The following TBC1D5 variants were observed in gnomAD, a reference collection of about 807,000 sequenced individuals.
The protein encoded by TBC1D5 is TBC1 domain family member 5, also known as TBC1 domain family, member 5.
Under a neutral mutation model 100.3 loss-of-function variants are expected in TBC1D5, and 75 were observed. That is an observed-to-expected ratio of 0.75 (90% CI 0.62 to 0.91). The LOEUF (loss-of-function observed/expected upper bound fraction) is 0.91. Ranked by LOEUF, TBC1D5 falls within the 40% of genes least tolerant of loss-of-function variation. The probability of loss-of-function intolerance (pLI) is 0.00; values close to 1 mark genes in which losing one functional copy is unlikely to be tolerated. For synonymous variants in TBC1D5, 323 were observed against 325.6 expected (o/e 0.99, Z 0.09); for missense variants, 910 against 942.4 (o/e 0.97, Z 0.45).
chr3:17,638,980 A>T (rs1039793303), intron 1 of TBC1D5, among the ~76,000 whole-genome samples: 1 of 152,166 alleles, frequency 6.6e-6, no homozygotes, highest in Non-Finnish European at 1.5e-5. Flanking sequence ...TTAAACATAA[A>T]TTTATCATAT....
intron 3 of TBC1D5, among the ~76,000 whole-genome samples, chr3:17,474,805 T>C (rs190455112): frequency 4.9e-4 from 75 of 152,242 alleles, no homozygotes; most frequent in African/African-American, 1.6e-3. Context: ...ATGATATACA[T>C]TGCCAAATGG....
In TBC1D5 at chr3:17,448,249, G is replaced by A. The variant is rs181823921; in HGVS notation, c.98-19730C>T. Among the ~76,000 whole-genome samples the A allele has an allele frequency of 4.4e-4, 67 of 152,206 alleles. 1 individual carries two copies. The East Asian group carries it at 0.012, about 27-fold the overall frequency. On this transcript the variant is annotated intron_variant, in intron 3 of 21. Coordinates refer to ENST00000253692, the Ensembl canonical transcript of TBC1D5. ...GTTCTCTTGCTATTTCCTGTCCATC[G>A]GCAGTTACTTCCTCCACTGAGGAGG... is the stretch of plus-strand genomic sequence containing the variant.
chr3:17,534,221 G>A (rs1325557361), intron 2 of TBC1D5, among the ~76,000 whole-genome samples: 1 of 152,060 alleles, frequency 6.6e-6, no homozygotes, highest in Admixed American at 6.6e-5. Flanking sequence ...CAGAAGCATT[G>A]TTTCTAACAT....
At chr3:17,675,737 G>A (rs1170811627) in intron 1 of TBC1D5, among the ~76,000 whole-genome samples, 1 of 151,910 alleles carries the variant, frequency 6.6e-6, no homozygotes, top group Non-Finnish European at 1.5e-5. Flanking sequence ...TCAAGAGAGT[G>A]ACAAAGATTT....
intron 1 of TBC1D5, among the ~76,000 whole-genome samples, chr3:17,634,366 T>G (rs956111577): frequency 3.3e-5 from 5 of 152,104 alleles, no homozygotes; most frequent in African/African-American, 1.2e-4. Flanking sequence ...ATGTGCTACA[T>G]ATAAACAATG....
chr3:17,193,070 C>G (rs2070169824), intron 18 of TBC1D5, among the ~76,000 whole-genome samples: 1 of 152,226 alleles, frequency 6.6e-6, no homozygotes, highest in Non-Finnish European at 1.5e-5. Flanking sequence ...GATAAAACCT[C>G]TACATTAAAC....
At chr3:17,299,196 G>A (rs78028884) in intron 14 of TBC1D5, among the ~76,000 whole-genome samples, 2,285 of 152,250 alleles carry the variant, frequency 0.015, 49 homozygotes, top group African/African-American at 0.052. Context: ...CTATTAAGTG[G>A]CTAAATGGGC....
chr3:17,353,124 T>C (rs773259358), intron 13 of TBC1D5, among the ~76,000 whole-genome samples: 2 of 152,040 alleles, frequency 1.3e-5, no homozygotes, highest in Non-Finnish European at 2.9e-5. Flanking sequence ...AGAAAATCCA[T>C]GGCACTGATA....
chr3:17,644,031 A>C (rs2064784909), intron 1 of TBC1D5: 1 of 152,084 alleles, frequency 6.6e-6, no homozygotes. Flanking sequence ...ACATAAGCAT[A>C]AAATTATACC....
intron 2 of TBC1D5, chr3:17,586,702 T>C (rs2096735207): frequency 6.6e-6 from 1 of 152,116 alleles, no homozygotes; most frequent in Non-Finnish European, 1.5e-5. Context: ...TTTAAGTTCT[T>C]AGAGGACAAA....
At chr3:17,401,368 A>G (rs2093645658) in intron 8 of TBC1D5, among the ~76,000 whole-genome samples, 1 of 111,046 alleles carries the variant, frequency 9.0e-6, no homozygotes, top group Non-Finnish European at 1.8e-5. Context: ...GTATGTGTAT[A>G]ATATACATAT....
At chr3:17,491,718 AT>A (rs1459342578) in intron 3 of TBC1D5, among the ~76,000 whole-genome samples, 1 of 152,034 alleles carries the variant, frequency 6.6e-6, no homozygotes, top group African/African-American at 2.4e-5. Flanking sequence ...TTTACTGAAG[AT>A]TTCTGCATTG....
intron 4 of TBC1D5, among the ~76,000 whole-genome samples, chr3:17,423,272 A>G (rs867116348): frequency 3.3e-5 from 5 of 152,112 alleles, no homozygotes; most frequent in African/African-American, 1.2e-4. Context: ...ATGAAATACA[A>G]TATTTTGTTA....
chr3:17,539,089 G>A lies in TBC1D5; in HGVS notation c.-35-30484C>T, dbSNP rs183421773. Among the ~76,000 whole-genome samples, 540 of 152,236 alleles carry A rather than the reference G, an allele frequency of 3.5e-3. 4 individuals carry two copies. The highest frequency in any genetic ancestry group is 0.012 in the African/African-American group (512 of 41,544). ...TTCCAGCTACTCAGGAGGCTGATGA[G>A]GCACAAGAATCGTGTGAACCTCAGA... is the stretch of plus-strand genomic sequence containing the variant. On this transcript the variant is annotated intron_variant, in intron 2 of 21. Transcript: ENST00000253692.
rs1004274605 is a variant in TBC1D5 at position 17,233,669 on chromosome 3, G to A, written c.1588+4494C>T. 2 of 1,459,568 alleles carry A rather than the reference G, an allele frequency of 1.4e-6. No homozygotes were observed. The highest frequency in any genetic ancestry group is 1.9e-6 in the Non-Finnish European group (2 of 1,077,942). The allele number at this position is 1,459,568 out of a possible 1,614,324, so 90.4% of individuals were successfully genotyped here. ...GGCAAAGAAAAAGAAACACTATGTT[G>A]TTATGGTAACTGTACCTTGGAGGTC... On this transcript the variant is annotated intron_variant, in intron 17 of 21. Coordinates refer to ENST00000253692, the Ensembl canonical transcript of TBC1D5.
chr3:17,503,954 C>T (rs999002187), intron 3 of TBC1D5, among the ~76,000 whole-genome samples: 2 of 149,272 alleles, frequency 1.3e-5, no homozygotes, highest in Non-Finnish European at 2.9e-5. Flanking sequence ...TAAAAGAAAA[C>T]ATGGAATAAG....
intron 1 of TBC1D5, among the ~76,000 whole-genome samples, chr3:17,715,728 C>T (rs749221682): frequency 1.3e-5 from 2 of 151,636 alleles, no homozygotes; most frequent in Non-Finnish European, 1.5e-5. Context: ...CTTGAGCCCA[C>T]GAGTTTGAAA....
rs57956138 is a variant in TBC1D5, at chr3:17,539,140, C to T, written c.-35-30535G>A. On this transcript the variant is annotated intron_variant, in intron 2 of 21. Transcript: ENST00000253692. ...GGCAGAGGCTGCAATAAGCCAAGAT[C>T]GCACCACTGCAATCCAGCCTGAGTG... is the stretch of plus-strand genomic sequence containing the variant. Among the ~76,000 whole-genome samples the T allele has an allele frequency of 4.7e-3, 711 of 152,170 alleles. 2 individuals are homozygous for T. The highest frequency in any genetic ancestry group is 0.016 in the African/African-American group (670 of 41,526).
chr3:17,577,116 T>TG (rs1412133219), intron 2 of TBC1D5, among the ~76,000 whole-genome samples: 4 of 151,754 alleles, frequency 2.6e-5, no homozygotes, highest in Non-Finnish European at 5.9e-5. Context: ...CCATTGAAAG[T>TG]GGGGGTGGGG....
Sources: gnomAD v4.1 joint callset for allele counts (sites outside exome capture counted in the v4.1 genomes callset) on GRCh38, gnomAD v4.1.1 for gene constraint, MANE v1.5 for transcripts, NCBI Gene and HGNC (gene_info 2026-07-23, HGNC 2026-07-21) for gene names.